The following BIRC6 variants were observed in gnomAD, a reference collection of about 807,000 sequenced individuals.
BIRC6 encodes dual E2 ubiquitin-conjugating enzyme/E3 ubiquitin-protein ligase BIRC6.
A neutral mutation model predicts 503.3 loss-of-function variants in BIRC6; 98 were observed. That is an observed-to-expected ratio of 0.19 (90% confidence interval 0.17 to 0.23). The LOEUF (loss-of-function observed/expected upper bound fraction) is 0.23. BIRC6 is among the 10% of genes least tolerant of loss of function. BIRC6 has a pLI of 1.00. For synonymous variants in BIRC6, 2,240 were observed against 2,078.7 expected, an observed-to-expected ratio of 1.08 and a Z score of -2.11; for missense variants, 5,360 against 5,806.0, an observed-to-expected ratio of 0.92 and a Z score of 2.50.
chr2:32,575,518 A>C (rs896687142), intron 66 of BIRC6, among the ~76,000 whole-genome samples, 152 bp downstream of exon 66: 14 of 152,216 alleles, frequency 9.2e-5, no homozygotes, highest in African/African-American at 2.9e-4. Context: ...TAATCCCAGC[A>C]CTGTGGGAGG....
chr2:32,618,615 T>C lies in BIRC6; in HGVS notation c.*711T>C, dbSNP rs1438787844. 6.6e-6 allele frequency: 1 copy of C among 152,652 alleles called. No homozygotes were observed. The highest frequency in any genetic ancestry group is 1.5e-5 in the Non-Finnish European group (1 of 68,042). The allele number at this position is 152,652 out of a possible 1,614,324, so 9.5% of individuals were successfully genotyped here. A position where few individuals can be genotyped will look rare whatever the true frequency, so the allele number is the denominator to read the frequency against. Reference sequence around the variant, plus strand: ...GCCAACATTTGGGCCTCTGAATGTATCTGTTATTTGAATTTAAGTATTTGA... The same window carrying C: ...GCCAACATTTGGGCCTCTGAATGTACCTGTTATTTGAATTTAAGTATTTGA... On this transcript the variant is annotated 3_prime_UTR_variant, in exon 74 of 74. Transcript: ENST00000421745.
chr2:32,449,823 A>C (rs965942378), intron 22 of BIRC6, among the ~76,000 whole-genome samples: 2 of 152,224 alleles, frequency 1.3e-5, no homozygotes, highest in Non-Finnish European at 2.9e-5. Flanking sequence ...TCGTTAATAT[A>C]GTTTCTAATG....
In BIRC6 at chr2:32,513,013, G is replaced by A. The variant is rs2054597054; in HGVS notation, c.10427G>A (p.Cys3476Tyr). The change falls in exon 54 of 74, where the codon TGT becomes TAT. Residue 3476 changes from cysteine to tyrosine, a missense_variant. Coordinates refer to ENST00000421745, the MANE Select transcript of BIRC6 (RefSeq NM_016252.4). ...AGAAGTGGCAGGATGAACTACATGT[G>A]TCCTAACTCCTCAACAGTAGAGTAT... ...MKRSGRMNYM[C>Y]PNSSTVEYGL... The A allele has an allele frequency of 6.2e-7, 1 of 1,613,766 alleles. No individual in the cohort carries two copies. The highest frequency in any genetic ancestry group is 1.1e-5 in the South Asian group (1 of 91,090).
chr2:32,498,511 T>C (rs1199403690), intron 45 of BIRC6, among the ~76,000 whole-genome samples: 2 of 152,250 alleles, frequency 1.3e-5, no homozygotes, highest in African/African-American at 4.8e-5. Flanking sequence ...ATAGTTGTCA[T>C]GTTTTTACTG....
At chr2:32,553,872 ATC>A (rs1418344731) in intron 65 of BIRC6, among the ~76,000 whole-genome samples, 1 of 152,232 alleles carries the variant, frequency 6.6e-6, no homozygotes, top group African/African-American at 2.4e-5. Context: ...AAATAAAGAC[ATC>A]TGTTAGTGTT....
intron 62 of BIRC6, among the ~76,000 whole-genome samples, chr2:32,544,340 A>G (rs2057897030): frequency 6.6e-6 from 1 of 152,098 alleles, no homozygotes; most frequent in Admixed American, 6.5e-5. Flanking sequence ...ATATGTATTA[A>G]TGATAACATA....
chr2:32,458,803 TC>T (rs1477039990), intron 23 of BIRC6, among the ~76,000 whole-genome samples: 1 of 151,078 alleles, frequency 6.6e-6, no homozygotes, highest in Non-Finnish European at 1.5e-5. Context: ...AAGTGATTCT[TC>T]CACCTCAACC....
intron 8 of BIRC6, among the ~76,000 whole-genome samples, chr2:32,404,675 T>C (rs2040994849): frequency 6.6e-6 from 1 of 151,578 alleles, no homozygotes; most frequent in Non-Finnish European, 1.5e-5. Context: ...CAAATATATA[T>C]ATATAATTTT....
intron 16 of BIRC6, among the ~76,000 whole-genome samples, chr2:32,440,019 C>T (rs1202216281): frequency 1.5e-4 from 23 of 152,294 alleles, no homozygotes; most frequent in Non-Finnish European, 1.6e-4. Context: ...GCTGGGATCA[C>T]AGGCGTGTGC....
chr2:32,498,618 C>T (rs1388263951), intron 45 of BIRC6, among the ~76,000 whole-genome samples: 3 of 151,718 alleles, frequency 2.0e-5, no homozygotes, highest in South Asian at 2.1e-4. Flanking sequence ...AATAGACTTT[C>T]GCTCTGTCAC....
chr2:32,454,002 T>C, intron 23 of BIRC6, 60 bp downstream of exon 23: 1 of 1,266,432 alleles, frequency 7.9e-7, no homozygotes, highest in Non-Finnish European at 1.1e-6. Context: ...TAAAGTGATA[T>C]TTATATATTT....
rs1035920654 is a variant in BIRC6 at position 32,401,026 on chromosome 2, T to G, written c.1035-137T>G. ...GAGTGATCTTCATAAAACTGAATGA[T>G]TTGGTTATATTAAGTCTTTAATGAT... On this transcript the variant is annotated intron_variant, in intron 6 of 73. Coordinates refer to ENST00000421745, the MANE Select transcript of BIRC6 (RefSeq NM_016252.4). The G allele has an allele frequency of 2.7e-5, 19 of 693,166 alleles. No individual in the cohort carries two copies. In the Admixed American group the frequency reaches 3.6e-4, roughly 13 times the overall value. 42.9% of individuals were successfully genotyped at this position (693,166 alleles called of 1,614,324 possible).
rs769032271 is a variant in BIRC6 at position 32,575,296 on chromosome 2, T to C, written c.13285T>C (p.Cys4429Arg). 3 of 1,613,908 alleles carry C rather than the reference T, an allele frequency of 1.9e-6. No individual in the cohort carries two copies. The African/African-American group carries it at 4.0e-5, about 22-fold the overall frequency. Residue 4429 changes from cysteine (C) to arginine (R), a missense_variant, in exon 66 of 74, where the codon TGT becomes CGT. Cys to Arg is a radical substitution (Grantham distance 180). Coordinates refer to ENST00000421745, the MANE Select transcript of BIRC6 (RefSeq NM_016252.4). ...NGEEEEEQSE[C>R]QTSVGTLLAK... The stretch of plus-strand genomic sequence containing the variant: ...TGAAGAGGAAGAAGAACAGTCAGAA[T>C]GTCAAACTTCTGTTGGTACATTGTT...
At chr2:32,488,511 CAT>C in intron 41 of BIRC6, 75 bp from the exon 42 acceptor site, 1 of 1,240,780 alleles carries the variant, frequency 8.1e-7, no homozygotes, top group Non-Finnish European at 1.1e-6. Context: ...AGAATTTAAA[CAT>C]AAGATTTTTG....
Position 32,479,497 on chromosome 2 carries a change from G to C in BIRC6, c.7288G>C (p.Glu2430Gln), listed in dbSNP as rs765275641. The C allele has an allele frequency of 6.2e-7, 1 of 1,604,884 alleles. No individual in the cohort carries two copies. The highest frequency in any genetic ancestry group is 1.1e-5 in the South Asian group (1 of 89,256). Residue 2430 changes from glutamate to glutamine, a missense_variant, in exon 37 of 74, where the codon GAG becomes CAG. Transcript: ENST00000421745. ...LLAPVAAEAM[E>Q]EGTVGDDVGA... Reference sequence around the variant, plus strand: ...GGCTCCAGTAGCCGCAGAAGCCATGGAGGAAGGAACAGTGGGTGATGATGT... The same window carrying C: ...GGCTCCAGTAGCCGCAGAAGCCATGCAGGAAGGAACAGTGGGTGATGATGT...
chr2:32,495,333 T>G (rs2052315113), intron 45 of BIRC6, among the ~76,000 whole-genome samples: 1 of 152,332 alleles, frequency 6.6e-6, no homozygotes, highest in South Asian at 2.1e-4. Context: ...ATATACCCTG[T>G]ACATTTTTGT....
intron 55 of BIRC6, 128 bp downstream of exon 55, chr2:32,515,898 G>A (rs1024253450): frequency 8.5e-5 from 71 of 831,030 alleles, no homozygotes; most frequent in Non-Finnish European, 1.3e-4. Context: ...AAGCTATAAA[G>A]TACTGATATC....
intron 9 of BIRC6, among the ~76,000 whole-genome samples, chr2:32,407,074 C>CTGAAT (rs2041301745): frequency 6.6e-6 from 1 of 152,114 alleles, no homozygotes; most frequent in Non-Finnish European, 1.5e-5. Context: ...GAATTTAAAT[C>CTGAAT]CTAACTCTTC....
chr2:32,525,515 C>T lies in BIRC6; in HGVS notation c.11807C>T (p.Pro3936Leu). 1 of 1,613,984 alleles carries T rather than the reference C, an allele frequency of 6.2e-7. No individual in the cohort carries two copies. Among genetic ancestry groups the T allele is most frequent in the Non-Finnish European group, 8.5e-7 (1 of 1,179,878 alleles). Residue 3936 changes from proline (P) to leucine (L), a missense_variant, in exon 59 of 74, where the codon CCA (proline) becomes CTA (leucine). Pro to Leu is a moderately conservative substitution (Grantham distance 98, BLOSUM62 -3). Transcript: ENST00000421745. ...RAVSATPPRP[P>L]SRRGRTIPDK... ...GTGTCAGCTACACCACCTCGCCCAC[C>T]ATCCAGGAGGGGGAGGACAATACCT...
Sources: gnomAD v4.1 joint callset for allele counts (sites outside exome capture counted in the v4.1 genomes callset) on GRCh38, gnomAD v4.1.1 for gene constraint, MANE v1.5 for transcripts, NCBI Gene and HGNC (gene_info 2026-07-23, HGNC 2026-07-21) for gene names.